CDC42BPB: variants seen among roughly 807,000 people sequenced by gnomAD.
CDC42BPB encodes the protein serine/threonine-protein kinase MRCK beta.
CDC42BPB carries 37 observed loss-of-function variants against 214.9 expected under a neutral mutation model. That is an observed-to-expected ratio of 0.17 (90% CI 0.13 to 0.23). The LOEUF (loss-of-function observed/expected upper bound fraction) is 0.23, where lower values mean the gene tolerates loss of function less well. Ranked by LOEUF, CDC42BPB falls within the 10% of genes least tolerant of loss-of-function variation. The probability of loss-of-function intolerance (pLI) is 1.00; values close to 1 mark genes in which losing one functional copy is unlikely to be tolerated. For synonymous variants in CDC42BPB, 931 were observed against 884.0 expected (o/e 1.05, Z -0.94); for missense variants, 1,694 against 2,227.0 (o/e 0.76, Z 4.82).
chr14:103,048,120 G>C (rs963836711), intron 1 of CDC42BPB, among the ~76,000 whole-genome samples: 2 of 152,148 alleles, frequency 1.3e-5, no homozygotes, highest in Admixed American at 6.5e-5. Flanking sequence ...AGGACACCCG[G>C]CCCAGGCTGA....
intron 9 of CDC42BPB, among the ~76,000 whole-genome samples, chr14:102,977,730 G>A (rs1056390039): frequency 1.4e-4 from 21 of 152,198 alleles, no homozygotes; most frequent in African/African-American, 4.6e-4. Context: ...TATTGGTCAG[G>A]GGTTGGCAAA....
intron 1 of CDC42BPB, among the ~76,000 whole-genome samples, 184 bp downstream of exon 1, chr14:103,056,815 G>C (rs545394534): frequency 6.6e-6 from 1 of 152,144 alleles, no homozygotes; most frequent in Admixed American, 6.5e-5. Context: ...GCAAGGAGCG[G>C]CTGGAGAGAG....
chr14:103,009,246 T>C (rs1161129858), intron 2 of CDC42BPB, among the ~76,000 whole-genome samples: 1 of 152,226 alleles, frequency 6.6e-6, no homozygotes, highest in Non-Finnish European at 1.5e-5. Context: ...CAGTATCATC[T>C]ACCTGCCTGT....
chr14:102,938,392 T>C lies in CDC42BPB; in HGVS notation c.4847A>G (p.Gln1616Arg), dbSNP rs546966091. ...GGGAGCGGGGCCCGGCCTTTCCTCC[T>C]GGGAGGGGGGCACAGCACTCTGGGC... The part of the protein sequence containing the change: ...DLPLSAVPPS[Q>R]EERPGPAPTN... Residue 1616 changes from glutamine (Q) to arginine (R), a missense_variant, in exon 35 of 37, where the codon CAG (glutamine) becomes CGG (arginine). By Grantham distance (43) the Gln-to-Arg change is conservative. Coordinates refer to ENST00000361246, the MANE Select transcript of CDC42BPB (RefSeq NM_006035.4). 9.0e-6 allele frequency: 14 copies of C among 1,553,286 alleles called. No homozygotes were observed. Among genetic ancestry groups the C allele is most frequent in the Non-Finnish European group, 1.2e-5 (14 of 1,156,294 alleles).
intron 1 of CDC42BPB, among the ~76,000 whole-genome samples, chr14:103,020,304 C>G (rs1029458826): frequency 6.6e-6 from 1 of 152,222 alleles, no homozygotes; most frequent in Non-Finnish European, 1.5e-5. Flanking sequence ...GGACAGACGT[C>G]TCGCCCCCGA....
chr14:103,026,943 G>A (rs543415900), intron 1 of CDC42BPB, among the ~76,000 whole-genome samples: 8 of 151,090 alleles, frequency 5.3e-5, no homozygotes, highest in Non-Finnish European at 1.2e-4. Flanking sequence ...TCTGATAAGG[G>A]ACTTACATCC....
At chr14:102,954,297 T>C in intron 22 of CDC42BPB, 22 bp from the exon 23 acceptor site, 1 of 1,502,518 alleles carries the variant, frequency 6.7e-7, no homozygotes, top group Admixed American at 2.5e-5. Flanking sequence ...GCAGGACAGG[T>C]GAGTGTCGGC....
chr14:102,978,051 G>T, intron 9 of CDC42BPB, 75 bp downstream of exon 9: 1 of 1,173,186 alleles, frequency 8.5e-7, no homozygotes, highest in Non-Finnish European at 1.3e-6. Context: ...CGCCCCCAGG[G>T]ACAGACTGTG....
chr14:102,972,139 C>T lies in CDC42BPB; in HGVS notation c.1664G>A (p.Arg555Gln), dbSNP rs36001612. Residue 555 changes from arginine to glutamine, a missense_variant, in exon 13 of 37, where the codon CGG (arginine) becomes CAG (glutamine). By Grantham distance (43) the Arg-to-Gln change is conservative. Around this residue, in one of 7 missense-constraint regions of CDC42BPB, gnomAD observed 462 missense variants for 513.5 expected, o/e 0.90. Transcript: ENST00000361246. ...GAGTTCCTTGGCCTGGGATTTCAAC[C>T]GCTCTGAGGCTTCAACCAGTTGCTG... ...LHKQLVEASERLKSQAKELKD... is the reference protein window; with the variant it reads ...LHKQLVEASEQLKSQAKELKD... The T allele has an allele frequency of 7.1e-4, 1,147 of 1,614,184 alleles. 12 individuals are homozygous for T. The South Asian group carries it at 7.8e-3, about 11-fold the overall frequency.
chr14:102,938,705 T>C (rs1891753375), intron 34 of CDC42BPB: 3 of 264,190 alleles, frequency 1.1e-5, no homozygotes, highest in African/African-American at 2.3e-5. Flanking sequence ...CTCGGCTCAC[T>C]GCAACCTCTG....
At chr14:102,955,141 G>C (rs1595463262) in intron 21 of CDC42BPB, among the ~76,000 whole-genome samples, 2 of 152,344 alleles carry the variant, frequency 1.3e-5, no homozygotes, top group East Asian at 3.9e-4. Flanking sequence ...CAATTAGCCA[G>C]GCCAGGCACG....
chr14:102,938,598 A>C, intron 34 of CDC42BPB, 187 bp from the exon 35 acceptor site: 7 of 970,338 alleles, frequency 7.2e-6, no homozygotes, highest in Non-Finnish European at 8.6e-6. Context: ...TAGCAACTTC[A>C]GGGCAGGTCA....
intron 36 of CDC42BPB, among the ~76,000 whole-genome samples, chr14:102,935,289 TTG>T (rs1159632394): frequency 6.6e-6 from 1 of 152,084 alleles, no homozygotes; most frequent in Non-Finnish European, 1.5e-5. Flanking sequence ...CACAAGTCAG[TTG>T]TGTTTCTATA....
chr14:102,940,472 C>G, intron 30 of CDC42BPB, 148 bp from the exon 31 acceptor site: 7 of 1,461,176 alleles, frequency 4.8e-6, no homozygotes, highest in Non-Finnish European at 5.4e-6. Flanking sequence ...ACTTCATGTT[C>G]CCACTCTGGA....
Position 102,968,266 on chromosome 14 carries a change from G to C in CDC42BPB, c.2333C>G (p.Ala778Gly), listed in dbSNP as rs758312268. Reference protein sequence around the residue: ...MLFDENKKLTAENEKLCSFVD... With the variant: ...MLFDENKKLTGENEKLCSFVD... ...TGAATTAATTACCTTTTCATTTTCAGCAGTTAGCTTCTTGTTTTCATCAAA... is the reference window on the plus strand; with the variant it reads ...TGAATTAATTACCTTTTCATTTTCACCAGTTAGCTTCTTGTTTTCATCAAA... Residue 778 changes from alanine to glycine, a missense_variant, in exon 16 of 37, where the codon GCT becomes GGT. Ala to Gly is a moderately conservative substitution (Grantham distance 60). Around this residue, in one of 7 missense-constraint regions of CDC42BPB, gnomAD observed 462 missense variants for 513.5 expected, o/e 0.90. Transcript: ENST00000361246. 1 of 1,611,842 alleles carries C rather than the reference G, an allele frequency of 6.2e-7. No individual in the cohort carries two copies. Among genetic ancestry groups the C allele is most frequent in the Non-Finnish European group, 8.5e-7 (1 of 1,178,254 alleles).
At chr14:102,993,614 C>T (rs1171809632) in intron 5 of CDC42BPB, among the ~76,000 whole-genome samples, 32 of 152,158 alleles carry the variant, frequency 2.1e-4, no homozygotes, top group Non-Finnish European at 1.5e-5. Flanking sequence ...CCCAGCCCTT[C>T]CCCTACCCTC....
intron 1 of CDC42BPB, among the ~76,000 whole-genome samples, chr14:103,030,976 C>T (rs955056664): frequency 2.0e-5 from 3 of 152,016 alleles, no homozygotes; most frequent in Non-Finnish European, 4.4e-5. Flanking sequence ...GACACGGTGG[C>T]ACCCTGTCTC....
At chr14:102,940,426 G>A (rs751314689) in intron 30 of CDC42BPB, 102 bp from the exon 31 acceptor site, 9 of 1,528,894 alleles carry the variant, frequency 5.9e-6, no homozygotes, top group Admixed American at 2.0e-5. Context: ...GTGCAGAGGC[G>A]GCAGCACTGC....
intron 4 of CDC42BPB, among the ~76,000 whole-genome samples, chr14:103,003,527 A>G (rs1465094003): frequency 1.3e-5 from 2 of 152,234 alleles, no homozygotes; most frequent in African/African-American, 4.8e-5. Context: ...GGAAGACAGG[A>G]GGACTGCAGG....
Sources: gnomAD v4.1 joint callset for allele counts (sites outside exome capture counted in the v4.1 genomes callset) on GRCh38, gnomAD v4.1.1 for gene constraint, gnomAD v4.1.1 regional missense constraint, MANE v1.5 for transcripts, NCBI Gene and HGNC (gene_info 2026-07-23, HGNC 2026-07-21) for gene names.